Variants in KIAA1217 observed in about 807,000 individuals in gnomAD.
KIAA1217 encodes KIAA1217.
A neutral mutation model predicts 163.9 loss-of-function variants in KIAA1217; 88 were observed. The observed-to-expected ratio is 0.54, with a 90% confidence interval of 0.45 to 0.64. The LOEUF (loss-of-function observed/expected upper bound fraction) is 0.64. Among genes scored for constraint, KIAA1217 ranks in the 30% least tolerant of loss-of-function variants. KIAA1217 has a pLI of 0.00. For missense variants in KIAA1217, 2,372 were observed against 2,475.0 expected (o/e 0.96, Z 0.88); for synonymous variants, 903 against 923.1 (o/e 0.98, Z 0.39).
chr10:24,122,444 G>A (rs1268860700), intron 2 of KIAA1217, among the ~76,000 whole-genome samples: 1 of 152,084 alleles, frequency 6.6e-6, no homozygotes. Context: ...TGTGAATAGT[G>A]CTGTGACGAT....
chr10:23,708,723 G>A lies in KIAA1217; in HGVS notation c.-321+13489G>A, dbSNP rs575325481. Among the ~76,000 whole-genome samples the A allele has an allele frequency of 2.6e-5, 4 of 152,280 alleles. No homozygotes were observed. In the East Asian group the frequency reaches 7.7e-4, roughly 29 times the overall value. ...GGGCCTTAACTCCTCAAAGAGGAGTGCAGATTTATTCTAAGGATGGTATGA... is the reference window on the plus strand; with the variant it reads ...GGGCCTTAACTCCTCAAAGAGGAGTACAGATTTATTCTAAGGATGGTATGA... On this transcript the variant is annotated intron_variant, in intron 1 of 18. Coordinates refer to the KIAA1217 transcript ENST00000376462.
chr10:24,498,009 A>G (rs2067030419), intron 8 of KIAA1217, among the ~76,000 whole-genome samples: 1 of 152,214 alleles, frequency 6.6e-6, no homozygotes, highest in Non-Finnish European at 1.5e-5. Context: ...TTAGGCCCAC[A>G]GAGACAGAAA....
At chr10:24,253,831 C>T (rs1033527676) in intron 2 of KIAA1217, among the ~76,000 whole-genome samples, 4 of 152,030 alleles carry the variant, frequency 2.6e-5, no homozygotes, top group Non-Finnish European at 5.9e-5. Flanking sequence ...GGGAGGATCA[C>T]CTGAGCCCAG....
At chr10:23,708,405 A>G (rs568915141) in intron 1 of KIAA1217, among the ~76,000 whole-genome samples, 8 of 152,310 alleles carry the variant, frequency 5.3e-5, no homozygotes, top group Admixed American at 2.6e-4. Flanking sequence ...CTAATTTTAC[A>G]GGTGGATGCC....
chr10:24,354,400 G>A (rs955402684), intron 2 of KIAA1217, among the ~76,000 whole-genome samples: 4 of 152,190 alleles, frequency 2.6e-5, no homozygotes, highest in African/African-American at 4.8e-5. Context: ...TGGCCCCACA[G>A]TAGCATCTAG....
intron 2 of KIAA1217, among the ~76,000 whole-genome samples, chr10:24,357,262 T>C (rs1286475817): frequency 2.0e-5 from 3 of 152,190 alleles, no homozygotes; most frequent in Admixed American, 6.5e-5. Context: ...TCACCTTGCT[T>C]TGGATGCAAG....
chr10:24,541,133 C>T (rs1327071043), intron 17 of KIAA1217, among the ~76,000 whole-genome samples: 1 of 151,590 alleles, frequency 6.6e-6, no homozygotes. Context: ...AGGCTGTTCT[C>T]GAACTCCTAG....
intron 1 of KIAA1217, among the ~76,000 whole-genome samples, chr10:23,750,082 G>A (rs1329975657): frequency 2.0e-5 from 3 of 151,784 alleles, no homozygotes; most frequent in Middle Eastern, 3.4e-3. Flanking sequence ...CATTCCCACA[G>A]CTTCTGGCCA....
At chr10:23,790,377 G>GCA (rs1419782235) in intron 1 of KIAA1217, among the ~76,000 whole-genome samples, 52 of 67,608 alleles carry the variant, frequency 7.7e-4, no homozygotes, top group Admixed American at 1.5e-3. Flanking sequence ...ATATACATAT[G>GCA]TATATATACA....
At chr10:24,288,642 G>A (rs565443366) in intron 2 of KIAA1217, among the ~76,000 whole-genome samples, 1 of 152,322 alleles carries the variant, frequency 6.6e-6, no homozygotes, top group Admixed American at 6.5e-5. Flanking sequence ...GGAACAAAAG[G>A]ATAAGAGGCA....
At chr10:23,796,218 C>T (rs1836195241) in intron 1 of KIAA1217, among the ~76,000 whole-genome samples, 1 of 152,154 alleles carries the variant, frequency 6.6e-6, no homozygotes, top group Non-Finnish European at 1.5e-5. Context: ...TGTCTGGGTT[C>T]TGAGAGTCTT....
intron 5 of KIAA1217, among the ~76,000 whole-genome samples, chr10:24,461,242 G>A (rs760417205): frequency 2.0e-5 from 3 of 152,064 alleles, no homozygotes; most frequent in Non-Finnish European, 4.4e-5. Flanking sequence ...TTTTCATGCT[G>A]TAATCATCCT....
intron 1 of KIAA1217, among the ~76,000 whole-genome samples, chr10:23,786,434 T>C (rs1278279017): frequency 6.6e-6 from 1 of 151,946 alleles, no homozygotes; most frequent in Non-Finnish European, 1.5e-5. Flanking sequence ...ATTCTGACAG[T>C]TTAGACATGC....
At chr10:24,305,181 C>A (rs978216378) in intron 2 of KIAA1217, among the ~76,000 whole-genome samples, 15 of 152,076 alleles carry the variant, frequency 9.9e-5, no homozygotes, top group Non-Finnish European at 1.8e-4. Context: ...GAGGAGAGCA[C>A]AAAATTGGGG....
chr10:24,335,667 T>C (rs2046274408), intron 2 of KIAA1217, among the ~76,000 whole-genome samples: 1 of 151,616 alleles, frequency 6.6e-6, no homozygotes. Context: ...TGGAGTGCAG[T>C]GGCAAGATCA....
intron 3 of KIAA1217, among the ~76,000 whole-genome samples, chr10:24,401,451 A>G (rs1032505086): frequency 2.0e-5 from 3 of 152,212 alleles, no homozygotes; most frequent in African/African-American, 7.2e-5. Context: ...GAAAATTTAT[A>G]AAGTAATCCA....
intron 2 of KIAA1217, among the ~76,000 whole-genome samples, chr10:24,314,295 G>A (rs16924561): frequency 0.016 from 2,464 of 152,214 alleles, 47 homozygotes; most frequent in East Asian, 0.1. Context: ...TTAGTCCATG[G>A]TAAGATTTCT....
intron 1 of KIAA1217, among the ~76,000 whole-genome samples, chr10:23,716,190 A>G (rs1588652161): frequency 1.3e-5 from 2 of 152,314 alleles, no homozygotes. Flanking sequence ...ACAATATGAA[A>G]CAAAACTATG....
intron 2 of KIAA1217, among the ~76,000 whole-genome samples, chr10:24,196,334 A>G (rs1265454757): frequency 6.6e-6 from 1 of 152,216 alleles, no homozygotes; most frequent in Non-Finnish European, 1.5e-5. Flanking sequence ...CTTCCAGGCA[A>G]TTGCACAGGA....
Sources: gnomAD v4.1 joint callset for allele counts (sites outside exome capture counted in the v4.1 genomes callset) on GRCh38, gnomAD v4.1.1 for gene constraint, MANE v1.5 for transcripts, NCBI Gene and HGNC (gene_info 2026-07-23, HGNC 2026-07-21) for gene names.